The following NRG1 variants were observed in gnomAD, a reference collection of about 807,000 sequenced individuals.
NRG1 encodes pro-neuregulin-1, membrane-bound isoform.
NRG1 carries 18 observed loss-of-function variants against 63.8 expected under a neutral mutation model. That is an observed-to-expected ratio of 0.28 (90% CI 0.19 to 0.42). NRG1 has a LOEUF of 0.42. Among genes scored for constraint, NRG1 ranks in the 10% least tolerant of loss-of-function variants. The pLI, the probability that NRG1 is intolerant of heterozygous loss-of-function variation, is 1.00. For missense variants in NRG1, 762 were observed against 814.7 expected, an observed-to-expected ratio of 0.94 and a Z score of 0.79; for synonymous variants, 302 against 301.3, an observed-to-expected ratio of 1.00 and a Z score of -0.02.
At chr8:32,667,586 T>A (rs1181762535) in intron 5 of NRG1, among the ~76,000 whole-genome samples, 1 of 152,186 alleles carries the variant, frequency 6.6e-6, no homozygotes, top group Non-Finnish European at 1.5e-5. Context: ...AAAATGCTTG[T>A]AGGGAAAACC....
rs932453772 is a variant in NRG1 at position 31,981,500 on chromosome 8, T to C, written c.37+342069T>C. On this transcript the variant is annotated intron_variant, in intron 1 of 10. Transcript: ENST00000519301. ...AAATCTATAGAGTGAACTATATTTT[T>C]CCACCTTGCAAATAGAAGGGGCAAA... 2.0e-4 allele frequency among the ~76,000 whole-genome samples: 31 copies of C among 152,042 alleles called. 1 individual carries two copies. The highest frequency in any genetic ancestry group is 6.5e-4 in the African/African-American group (27 of 41,434).
In NRG1 at chr8:32,645,744, G is replaced by A. The variant is rs552850483; in HGVS notation, c.502+28859G>A. On this transcript the variant is annotated intron_variant, in intron 5 of 11. Transcript: ENST00000356819. ...TGAACAAAATGGTTCCTTGGAAACCGTTTAGATGTCCAATCACAGTAAGTG... is the reference window on the plus strand; with the variant it reads ...TGAACAAAATGGTTCCTTGGAAACCATTTAGATGTCCAATCACAGTAAGTG... Among the ~76,000 whole-genome samples, 92 of 152,290 alleles carry A rather than the reference G, an allele frequency of 6.0e-4. 1 individual carries two copies. Among genetic ancestry groups the A allele is most frequent in the African/African-American group, 1.9e-3 (80 of 41,560 alleles).
At chr8:32,159,101 A>T (rs1395296463) in intron 1 of NRG1, among the ~76,000 whole-genome samples, 1 of 152,240 alleles carries the variant, frequency 6.6e-6, no homozygotes, top group African/African-American at 2.4e-5. Context: ...AGTTGACTAA[A>T]GAGTAAAAAT....
At chr8:31,759,830 C>T (rs1332189114) in intron 1 of NRG1, among the ~76,000 whole-genome samples, 4 of 152,072 alleles carry the variant, frequency 2.6e-5, no homozygotes. Context: ...TTTAGTTTTG[C>T]AACCCGTGAG....
At chr8:32,738,005 A>G (rs1286214528) in intron 6 of NRG1, among the ~76,000 whole-genome samples, 1 of 152,116 alleles carries the variant, frequency 6.6e-6, no homozygotes, top group Admixed American at 6.6e-5. Flanking sequence ...TGTGGATCAG[A>G]TACGGACGCT....
intron 1 of NRG1, among the ~76,000 whole-genome samples, chr8:32,058,040 A>G (rs1180546080): frequency 2.5e-5 from 2 of 79,366 alleles, no homozygotes; most frequent in East Asian, 5.1e-4. Context: ...AAGGTGATAC[A>G]TATTCCAATT....
intron 1 of NRG1, among the ~76,000 whole-genome samples, chr8:32,427,562 A>G (rs1817552172): frequency 6.6e-6 from 1 of 152,216 alleles, no homozygotes; most frequent in Admixed American, 6.6e-5. Flanking sequence ...TCATCTTGTT[A>G]CAGTTTATTA....
At chr8:32,498,952 C>T (rs953512468) in intron 1 of NRG1, among the ~76,000 whole-genome samples, 2 of 152,194 alleles carry the variant, frequency 1.3e-5, no homozygotes, top group African/African-American at 2.4e-5. Context: ...CATATTTCAA[C>T]CTCCTTCATC....
chr8:31,905,552 A>G lies in NRG1; in HGVS notation c.37+266121A>G, dbSNP rs1832454620. Among the ~76,000 whole-genome samples the G allele has an allele frequency of 2.0e-5, 3 of 152,334 alleles. No individual in the cohort carries two copies. In the South Asian group the frequency reaches 6.2e-4, roughly 32 times the overall value. On this transcript the variant is annotated intron_variant, in intron 1 of 10. Transcript: ENST00000519301. ...TTCTTAAGTTATGTTTCTGATTTTT[A>G]GATAGATCATTCCCTGTTTCTGTTT...
At chr8:32,280,680 G>GTTTTTTTTTTTTTTTT (rs1235833561) in intron 1 of NRG1, among the ~76,000 whole-genome samples, 1 of 53,758 alleles carries the variant, frequency 1.9e-5, no homozygotes, top group Non-Finnish European at 3.5e-5. Context: ...ACTGAATTAG[G>GTTTTTTTTTTTTTTTT]TTTTTTTTTT....
At chr8:32,349,355 T>G (rs1290416763) in intron 1 of NRG1, among the ~76,000 whole-genome samples, 1 of 152,212 alleles carries the variant, frequency 6.6e-6, no homozygotes, top group African/African-American at 2.4e-5. Flanking sequence ...TTTGAATTTT[T>G]TTAATCCATC....
At chr8:31,663,697 A>G (rs1362330721) in intron 1 of NRG1, among the ~76,000 whole-genome samples, 1 of 152,156 alleles carries the variant, frequency 6.6e-6, no homozygotes, top group Non-Finnish European at 1.5e-5. Context: ...GGGCTGGGTT[A>G]TGTCCAGTTA....
chr8:31,873,008 ATAATT>A (rs1829618675), intron 1 of NRG1, among the ~76,000 whole-genome samples: 1 of 152,246 alleles, frequency 6.6e-6, no homozygotes, highest in African/African-American at 2.4e-5. Context: ...ATAATGGTAC[ATAATT>A]TAATTTAAAA....
At chr8:32,279,100 C>G (rs1307516907) in intron 1 of NRG1, among the ~76,000 whole-genome samples, 1 of 152,200 alleles carries the variant, frequency 6.6e-6, no homozygotes, top group East Asian at 1.9e-4. Flanking sequence ...GCCAGCAATA[C>G]TAGAGAAGCC....
intron 1 of NRG1, among the ~76,000 whole-genome samples, chr8:32,435,532 C>T (rs1449639960): frequency 6.6e-6 from 1 of 152,108 alleles, no homozygotes; most frequent in African/African-American, 2.4e-5. Flanking sequence ...ATATAGGTCC[C>T]TTCTGCTGTT....
At position 31,760,690 on chromosome 8, in the gene NRG1, C is replaced by T. The variant is rs570184199; in HGVS notation, c.37+121259C>T. Among the ~76,000 whole-genome samples the T allele has an allele frequency of 6.3e-3, 953 of 152,142 alleles. 4 individuals are homozygous for T. Among genetic ancestry groups the T allele is most frequent in the Middle Eastern group, 0.02 (6 of 294 alleles). On this transcript the variant is annotated intron_variant, in intron 1 of 10. Transcript: ENST00000519301. ...AGAAGACATTTATGCAGCCAAAAGA[C>T]GCATGAAAAAATGCTCATCATCACT...
intron 3 of NRG1, among the ~76,000 whole-genome samples, chr8:32,611,880 TATG>T (rs968420195): frequency 6.6e-6 from 1 of 152,096 alleles, no homozygotes; most frequent in African/African-American, 2.4e-5. Context: ...TTTAGTGTAT[TATG>T]ATCATGATGA....
At chr8:31,869,782 A>G (rs921811154) in intron 1 of NRG1, among the ~76,000 whole-genome samples, 3 of 152,204 alleles carry the variant, frequency 2.0e-5, no homozygotes, top group Admixed American at 2.0e-4. Flanking sequence ...AAGTGATGGT[A>G]CAAAAGCCCA....
intron 1 of NRG1, among the ~76,000 whole-genome samples, chr8:31,996,626 C>T (rs1812013003): frequency 6.6e-6 from 1 of 151,828 alleles, no homozygotes; most frequent in Admixed American, 6.6e-5. Flanking sequence ...ATGCCTGTGG[C>T]CTCAGCTACT....
Sources: allele counts gnomAD v4.1 joint callset (sites outside exome capture counted in the v4.1 genomes callset), GRCh38; gene constraint gnomAD v4.1.1; transcripts MANE v1.5; gene names NCBI Gene and HGNC (gene_info 2026-07-23, HGNC 2026-07-21).